Variants in KCNQ2 observed in about 807,000 individuals in gnomAD.
KCNQ2 encodes the protein potassium voltage-gated channel subfamily KQT member 2.
A neutral mutation model predicts 84.8 loss-of-function variants in KCNQ2; 14 were observed. That is an observed-to-expected ratio of 0.17 (90% CI 0.11 to 0.26). The LOEUF is 0.26. Among genes scored for constraint, KCNQ2 ranks in the 10% least tolerant of loss-of-function variants. KCNQ2 has a pLI of 1.00. For missense variants in KCNQ2, 788 were observed against 1,254.0 expected, an observed-to-expected ratio of 0.63 and a Z score of 5.61; for synonymous variants, 599 against 554.1, an observed-to-expected ratio of 1.08 and a Z score of -1.14.
At chr20:63,443,559 T>TCACCAC (rs1190170973) in intron 4 of KCNQ2, 1 of 106,126 alleles carries the variant, frequency 9.4e-6, no homozygotes, top group Non-Finnish European at 1.9e-5. Flanking sequence ...ATCATGACCA[T>TCACCAC]CACCACCACC....
intron 4 of KCNQ2, among the ~76,000 whole-genome samples, chr20:63,442,998 T>TCAC (rs2081261569): frequency 3.7e-5 from 1 of 27,072 alleles, no homozygotes; most frequent in Non-Finnish European, 7.0e-5. Flanking sequence ...ACCATCACCA[T>TCAC]CACCACCATC....
rs1947879932 is a variant in KCNQ2 at position 63,407,810 on chromosome 20, G to A, written c.1888-435C>T. On this transcript the variant is annotated intron_variant, in intron 16 of 16. Transcript: ENST00000359125. This position sits in a 1 kb window ranked among gnomAD's most constrained non-coding sequence, Gnocchi z 7.2. ...TCCCTGGAAGCTGGAGGAGCGGGAA[G>A]AGGAGGCCCAGGAGCAGCTCTTCCT... 6.6e-6 allele frequency among the ~76,000 whole-genome samples: 1 copy of A among 152,128 alleles called. No individual in the cohort carries two copies.
Position 63,460,600 on chromosome 20 carries a change from G to A in KCNQ2, c.296+11568C>T, listed in dbSNP as rs988015388. On this transcript the variant is annotated intron_variant, in intron 1 of 16. Transcript: ENST00000359125. This position sits in a 1 kb window ranked among gnomAD's most constrained non-coding sequence, Gnocchi z 5.4. The stretch of plus-strand genomic sequence containing the variant: ...CGGCCTCCACTTGCACACCTCCGGC[G>A]ACGGAGGGCTCACCCCACAGAAAGA... Among the ~76,000 whole-genome samples the A allele has an allele frequency of 3.9e-5, 6 of 152,172 alleles. No homozygotes were observed. The highest frequency in any genetic ancestry group is 2.1e-4 in the South Asian group (1 of 4,828).
rs1568933816 is a variant in KCNQ2, at chr20:63,442,695, CCACCATCACCAT to C, written c.691-176_691-165del. Among the ~76,000 whole-genome samples, 12 of 86,642 alleles carry C rather than the reference CCACCATCACCAT, an allele frequency of 1.4e-4. 1 individual carries two copies. Among genetic ancestry groups the C allele is most frequent in the South Asian group, 4.4e-4 (1 of 2,284 alleles). 56.8% of individuals were successfully genotyped at this position (86,642 alleles called of 152,430 possible). Reference sequence around the variant, plus strand: ...ACCACCACCACCACCATCACCATCACCACCATCACCATCACCACCACCACCACCATCATCACC... The same window carrying C: ...ACCACCACCACCACCATCACCATCACCACCACCACCACCACCATCATCACC... On this transcript the variant is annotated intron_variant, in intron 4 of 16. Coordinates refer to ENST00000359125, the MANE Select transcript of KCNQ2 (RefSeq NM_172107.4).
At chr20:63,465,380 G>A (rs1482496897) in intron 1 of KCNQ2, among the ~76,000 whole-genome samples, 7 of 152,168 alleles carry the variant, frequency 4.6e-5, no homozygotes, top group Admixed American at 4.6e-4. Flanking sequence ...CACCCGCCTT[G>A]TGCTGGCCGC....
intron 7 of KCNQ2, among the ~76,000 whole-genome samples, chr20:63,434,901 G>A (rs983264591): frequency 2.6e-5 from 4 of 152,222 alleles, no homozygotes; most frequent in African/African-American, 4.8e-5. Flanking sequence ...TTGTGTGCAC[G>A]TTTTTGGTTG....
At chr20:63,435,306 TGAACCTGGCAGGTC>T (rs1230732467) in intron 7 of KCNQ2, among the ~76,000 whole-genome samples, 1 of 151,312 alleles carries the variant, frequency 6.6e-6, no homozygotes, top group African/African-American at 2.4e-5. Flanking sequence ...GAGGATCGCT[TGAACCTGGCAGGTC>T]GAGGCTGCAG....
intron 1 of KCNQ2, among the ~76,000 whole-genome samples, chr20:63,453,006 GC>G (rs1225910718): frequency 6.6e-6 from 1 of 152,184 alleles, no homozygotes; most frequent in Non-Finnish European, 1.5e-5. Flanking sequence ...GCGCAGCACC[GC>G]GTGTGGAGGC....
rs1042792159 is a variant in KCNQ2 at position 63,418,704 on chromosome 20, G to A, written c.1301+915C>T. ...AGGCCATGCCCCAGGCAGCCCACAC[G>A]CCCGTCTCCCTCTCTGGAGCTGCCA... On this transcript the variant is annotated intron_variant, in intron 12 of 16. Coordinates refer to ENST00000359125, the MANE Select transcript of KCNQ2 (RefSeq NM_172107.4). Among the ~76,000 whole-genome samples, 12 of 152,330 alleles carry A rather than the reference G, an allele frequency of 7.9e-5. No homozygotes were observed. In the East Asian group the frequency reaches 2.3e-3, roughly 29 times the overall value.
rs763503121 is a variant in KCNQ2, at chr20:63,414,199, G to A, written c.1526-6C>T. On this transcript the variant is annotated splice_polypyrimidine_tract_variant and splice_region_variant and intron_variant, in intron 13 of 16. Transcript: ENST00000359125. This position sits in a 1 kb window ranked among gnomAD's most constrained non-coding sequence, Gnocchi z 6.6. ...CTCTCCGGGGAGGCTTGCTTCTGGG[G>A]GGAAGGAGACAGGCCGTGAGGGGCC... 10 of 1,609,842 alleles carry A rather than the reference G, an allele frequency of 6.2e-6. No homozygotes were observed. In the Admixed American group the frequency reaches 1.0e-4, roughly 16 times the overall value.
intron 9 of KCNQ2, among the ~76,000 whole-genome samples, chr20:63,430,473 C>T (rs559882458): frequency 1.1e-4 from 16 of 152,192 alleles, no homozygotes; most frequent in Non-Finnish European, 1.5e-4. Context: ...TCCTCCAGGA[C>T]GGGTGACTGG....
chr20:63,465,976 C>G (rs1042246034), intron 1 of KCNQ2, among the ~76,000 whole-genome samples: 44 of 152,180 alleles, frequency 2.9e-4, no homozygotes, highest in Non-Finnish European at 5.1e-4. Flanking sequence ...TTCTCTGGCG[C>G]GGTCTGCGTG....
At chr20:63,470,899 G>C (rs1203671900) in intron 1 of KCNQ2, 1 of 152,210 alleles carries the variant, frequency 6.6e-6, no homozygotes, top group Non-Finnish European at 1.5e-5. Context: ...GGACCCAGGA[G>C]GTCGGAGAAG....
chr20:63,415,272 G>A (rs1323380539), intron 12 of KCNQ2, 146 bp from the exon 13 acceptor site: 12 of 711,250 alleles, frequency 1.7e-5, no homozygotes, highest in South Asian at 6.3e-5. Flanking sequence ...CACACGGGTG[G>A]CTCAGAGCAG....
At chr20:63,413,707 C>T (rs973663740) in intron 14 of KCNQ2, 126 bp from the exon 15 acceptor site, 14 of 1,031,680 alleles carry the variant, frequency 1.4e-5, no homozygotes, top group East Asian at 1.2e-4. Flanking sequence ...TCTTGTCTGC[C>T]GCCCACCAGC....
In KCNQ2 at chr20:63,444,698, G is replaced by A. The variant is rs1386799944; in HGVS notation, c.651C>T (p.Thr217=). The A allele has an allele frequency of 1.9e-6, 3 of 1,572,418 alleles. No individual in the cohort carries two copies. Among genetic ancestry groups the A allele is most frequent in the Non-Finnish European group, 2.6e-6 (3 of 1,158,694 alleles). ...AGACCACAGAGCCCAGCAGCTTCCA[G>A]GTGCCTCCCCGCCGGTCCATGCGGA... ...RMIRMDRRGG[T]WKLLGSVVYA... The change falls in exon 4 of 17, where the codon ACC becomes ACT. Residue 217 remains threonine, a synonymous_variant. Coordinates refer to ENST00000359125, the MANE Select transcript of KCNQ2 (RefSeq NM_172107.4).
chr20:63,406,453 G>A lies in KCNQ2; in HGVS notation c.*191C>T, dbSNP rs2079935532. 2 of 710,500 alleles carry A rather than the reference G, an allele frequency of 2.8e-6. No individual in the cohort carries two copies. Among genetic ancestry groups the A allele is most frequent in the Middle Eastern group, 4.1e-4 (1 of 2,458 alleles). 44.0% of individuals were successfully genotyped at this position (710,500 alleles called of 1,614,324 possible). ...CCTGCCCAGCCCTCCAGCCCCTGTT[G>A]GAAAATAACTTTTGTAAAAGGTCAC... On this transcript the variant is annotated 3_prime_UTR_variant, in exon 17 of 17. Coordinates refer to ENST00000359125, the MANE Select transcript of KCNQ2 (RefSeq NM_172107.4).
chr20:63,463,961 G>A (rs1405196183), intron 1 of KCNQ2: 1 of 151,998 alleles, frequency 6.6e-6, no homozygotes, highest in Non-Finnish European at 1.5e-5. Context: ...ATTCAGGGAT[G>A]GGAGACTCCG....
chr20:63,445,135 C>T, intron 3 of KCNQ2, 103 bp downstream of exon 3: 1 of 1,507,572 alleles, frequency 6.6e-7, no homozygotes, highest in Non-Finnish European at 9.2e-7. Flanking sequence ...CAGTCCTGCC[C>T]AGCCTCTCTG....
Sources: gnomAD v4.1 joint callset for allele counts (sites outside exome capture counted in the v4.1 genomes callset) on GRCh38, gnomAD v4.1.1 for gene constraint, Gnocchi (gnomAD v3.1) non-coding constraint, MANE v1.5 for transcripts, NCBI Gene and HGNC (gene_info 2026-07-23, HGNC 2026-07-21) for gene names.